Variants in LIG1 observed in about 807,000 individuals in gnomAD.
The protein encoded by LIG1 is DNA ligase 1, also known as ligase I, DNA, ATP-dependent.
In LIG1, 70 loss-of-function variants were observed where a neutral mutation model predicts 115.7. The observed-to-expected ratio is 0.60, with a 90% CI of 0.50 to 0.74. The LOEUF (loss-of-function observed/expected upper bound fraction) is 0.74, where lower values mean the gene tolerates loss of function less well. Among genes scored for constraint, LIG1 ranks in the 30% least tolerant of loss-of-function variants. LIG1 has a pLI of 0.00. For missense variants in LIG1, 1,115 were observed against 1,225.6 expected (o/e 0.91, Z 1.35); for synonymous variants, 487 against 495.3 (o/e 0.98, Z 0.22).
intron 1 of LIG1, among the ~76,000 whole-genome samples, chr19:48,168,827 T>G (rs908965202): frequency 6.6e-6 from 1 of 152,348 alleles, no homozygotes; most frequent in Non-Finnish European, 1.5e-5. Context: ...CACTGACTTG[T>G]ACACTTTAAA....
At chr19:48,160,249 G>C (rs2036096422) in intron 4 of LIG1, among the ~76,000 whole-genome samples, 1 of 152,216 alleles carries the variant, frequency 6.6e-6, no homozygotes, top group African/African-American at 2.4e-5. Flanking sequence ...GCTAACATAG[G>C]TGGTGAGGAA....
At chr19:48,141,426 C>T (rs2034746560) in intron 11 of LIG1, among the ~76,000 whole-genome samples, 1 of 152,208 alleles carries the variant, frequency 6.6e-6, no homozygotes, top group South Asian at 2.1e-4. Context: ...GCCAACACGG[C>T]CAGCCCTTTG....
intron 9 of LIG1, 110 bp from the exon 10 acceptor site, chr19:48,144,073 G>A (rs1004656946): frequency 3.0e-5 from 28 of 934,456 alleles, no homozygotes; most frequent in Non-Finnish European, 4.8e-5. Flanking sequence ...GTGCAGAGCT[G>A]GATGAAAACA....
chr19:48,118,850 G>A (rs1296765309), intron 25 of LIG1, among the ~76,000 whole-genome samples: 2 of 152,316 alleles, frequency 1.3e-5, no homozygotes, highest in South Asian at 2.1e-4. Flanking sequence ...ACTTCACAAG[G>A]AGCAGCTATG....
chr19:48,127,105 C>T (rs981314179), intron 21 of LIG1, 172 bp downstream of exon 21: 17 of 636,288 alleles, frequency 2.7e-5, no homozygotes, highest in Non-Finnish European at 4.6e-5. Context: ...TTGAAAGAAT[C>T]TTAAGGAACC....
At chr19:48,142,445 A>AAAAAAAAAAAAAAAAAAAC (rs1173532910) in intron 11 of LIG1, among the ~76,000 whole-genome samples, 1 of 146,670 alleles carries the variant, frequency 6.8e-6, no homozygotes, top group Non-Finnish European at 1.5e-5. Flanking sequence ...TCCATCTCAA[A>AAAAAAAAAAAAAAAAAAAC]AAAAAAAAAA....
intron 1 of LIG1, chr19:48,165,830 A>AT (rs1351934640): frequency 8.3e-6 from 5 of 602,848 alleles, no homozygotes; most frequent in African/African-American, 1.9e-5. Flanking sequence ...AGAGAAAAAG[A>AT]TAAGAGGCCT....
At chr19:48,116,444 A>G (rs1310019407) in intron 26 of LIG1, among the ~76,000 whole-genome samples, 1 of 91,288 alleles carries the variant, frequency 1.1e-5, no homozygotes, top group South Asian at 3.6e-4. Context: ...CGAGACTCCA[A>G]CTCAAAAAAA....
chr19:48,163,817 C>A (rs968209136), intron 2 of LIG1, among the ~76,000 whole-genome samples: 1 of 151,696 alleles, frequency 6.6e-6, no homozygotes, highest in African/African-American at 2.4e-5. Flanking sequence ...TGGTGGCAGG[C>A]GCCTGTAGTC....
intron 9 of LIG1, among the ~76,000 whole-genome samples, chr19:48,149,536 A>G (rs940261922): frequency 6.6e-6 from 1 of 152,186 alleles, no homozygotes; most frequent in Non-Finnish European, 1.5e-5. Flanking sequence ...CACGGTCAGC[A>G]AACTCCGACC....
At chr19:48,165,471 GTTT>G in intron 2 of LIG1, 76 bp downstream of exon 2, 1 of 1,172,084 alleles carries the variant, frequency 8.5e-7, no homozygotes, top group South Asian at 1.2e-5. Context: ...TTGTTTGTTT[GTTT>G]TTTTAAGTAC....
At chr19:48,132,048 C>A (rs944546633) in intron 18 of LIG1, among the ~76,000 whole-genome samples, 2 of 151,476 alleles carry the variant, frequency 1.3e-5, no homozygotes, top group Admixed American at 6.6e-5. Context: ...AAGCAATTCT[C>A]CTGCCTCAGC....
intron 24 of LIG1, chr19:48,120,088 G>A (rs571938861): frequency 1.5e-6 from 1 of 686,528 alleles, no homozygotes; most frequent in South Asian, 6.6e-5. Flanking sequence ...GTAGATTGGT[G>A]GCCAAAACAT....
At chr19:48,120,987 T>C in intron 24 of LIG1, 183 bp downstream of exon 24, 1 of 1,483,654 alleles carries the variant, frequency 6.7e-7, no homozygotes, top group Non-Finnish European at 8.9e-7. Context: ...TATCCCAGCC[T>C]GTTTTTCTAT....
In LIG1 at chr19:48,131,185, A is replaced by T; in HGVS notation, c.1726-14T>A. The T allele has an allele frequency of 1.2e-6, 2 of 1,607,558 alleles. No homozygotes were observed. Among genetic ancestry groups the T allele is most frequent in the Non-Finnish European group, 1.7e-6 (2 of 1,174,168 alleles). On this transcript the variant is annotated splice_polypyrimidine_tract_variant and intron_variant, in intron 18 of 27. Transcript: ENST00000263274. ...CAGGGCGTGGATCTGTCACGATGGG[A>T]GAAGGGAGGGGAAATCAGCTGAGTC...
Position 48,143,523 on chromosome 19 carries a change from A to C in LIG1, c.914+20T>G. ...CCAGAAGCGACCCCGCCCCCCACCC[A>C]GGCAGTCCTCATTAGTTACCGAGCA... On this transcript the variant is annotated intron_variant, in intron 11 of 27. Transcript: ENST00000263274. 1 of 601,558 alleles carries C rather than the reference A, an allele frequency of 1.7e-6. No homozygotes were observed. Among genetic ancestry groups the C allele is most frequent in the Non-Finnish European group, 3.0e-6 (1 of 332,564 alleles). The allele number at this position is 601,558 out of a possible 1,614,324, so 37.3% of individuals were successfully genotyped here. A position where few individuals can be genotyped will look rare whatever the true frequency, so the allele number is the denominator to read the frequency against.
chr19:48,120,465 T>C, intron 24 of LIG1: 4 of 985,450 alleles, frequency 4.1e-6, no homozygotes, highest in Non-Finnish European at 4.8e-6. Flanking sequence ...TGATATTTTG[T>C]TCTGTTTCTG....
chr19:48,161,578 A>G, intron 3 of LIG1, 71 bp from the exon 4 acceptor site: 1 of 1,563,434 alleles, frequency 6.4e-7, no homozygotes, highest in Non-Finnish European at 8.8e-7. Flanking sequence ...GCCCGCAAAC[A>G]CTTTGGTTTC....
intron 25 of LIG1, 45 bp downstream of exon 25, chr19:48,119,092 A>AG (rs1357604848): frequency 1.4e-6 from 2 of 1,475,894 alleles, no homozygotes; most frequent in South Asian, 1.2e-5. Flanking sequence ...TGTCAGGGGC[A>AG]GGGGGGAGAG....
Sources: allele counts gnomAD v4.1 joint callset (sites outside exome capture counted in the v4.1 genomes callset), GRCh38; gene constraint gnomAD v4.1.1; transcripts MANE v1.5; gene names NCBI Gene and HGNC (gene_info 2026-07-23, HGNC 2026-07-21).